The following CPQ variants were observed in gnomAD, a reference collection of about 807,000 sequenced individuals.
CPQ encodes carboxypeptidase Q, also known as Ser-Met dipeptidase.
Under a neutral mutation model 45.7 loss-of-function variants are expected in CPQ, and 37 were observed. That is an observed-to-expected ratio of 0.81 (90% confidence interval 0.62 to 1.07). CPQ has a LOEUF of 1.07. Ranked by LOEUF, CPQ falls within the 50% of genes least tolerant of loss-of-function variation. The pLI is 0.00. For missense variants in CPQ, 537 were observed against 572.9 expected, an observed-to-expected ratio of 0.94 and a Z score of 0.64; for synonymous variants, 186 against 205.8, an observed-to-expected ratio of 0.90 and a Z score of 0.82.
chr8:96,910,809 A>G (rs1284136797), intron 4 of CPQ, among the ~76,000 whole-genome samples: 1 of 152,090 alleles, frequency 6.6e-6, no homozygotes, highest in African/African-American at 2.4e-5. Context: ...CGGCTGAAGT[A>G]GTGTTATAAT....
At chr8:96,884,441 C>G (rs1460022231) in intron 4 of CPQ, among the ~76,000 whole-genome samples, 1 of 151,960 alleles carries the variant, frequency 6.6e-6, no homozygotes, top group African/African-American at 2.4e-5. Context: ...GCTTTCAGGT[C>G]CCTCTCTCCT....
intron 1 of CPQ, among the ~76,000 whole-genome samples, chr8:96,653,397 CA>C (rs1176774055): frequency 6.6e-6 from 1 of 152,006 alleles, no homozygotes; most frequent in Non-Finnish European, 1.5e-5. Context: ...GCTCTTTGTC[CA>C]TTTTTTAATC....
intron 7 of CPQ, 67 bp downstream of exon 7, chr8:97,066,277 T>TA: frequency 1.4e-6 from 2 of 1,448,372 alleles, no homozygotes; most frequent in Non-Finnish European, 1.9e-6. Context: ...ATTTCTGTTT[T>TA]AATAGAGCAC....
At chr8:96,693,562 T>G (rs1276746788) in intron 1 of CPQ, among the ~76,000 whole-genome samples, 1 of 152,050 alleles carries the variant, frequency 6.6e-6, no homozygotes, top group Non-Finnish European at 1.5e-5. Context: ...CATGACATAT[T>G]AAAAGTGCCA....
chr8:96,991,555 TAATAATAATAA>T (rs1437990652), intron 5 of CPQ, among the ~76,000 whole-genome samples: 1 of 4,532 alleles, frequency 2.2e-4, no homozygotes, highest in Non-Finnish European at 4.2e-4. Context: ...GAGTCTGTCA[TAATAATAATAA>T]TAATAATAAT....
At chr8:96,900,415 C>T (rs1812499359) in intron 4 of CPQ, among the ~76,000 whole-genome samples, 1 of 152,120 alleles carries the variant, frequency 6.6e-6, no homozygotes, top group South Asian at 2.1e-4. Context: ...CTGTGTTAGA[C>T]ATGGGTAAAC....
At chr8:96,843,145 G>A (rs1811637955) in intron 3 of CPQ, among the ~76,000 whole-genome samples, 1 of 152,120 alleles carries the variant, frequency 6.6e-6, no homozygotes, top group South Asian at 2.1e-4. Flanking sequence ...GACCTCAGGT[G>A]ATCTGCCCGC....
At chr8:96,965,335 T>G (rs1459138941) in intron 4 of CPQ, among the ~76,000 whole-genome samples, 2 of 151,732 alleles carry the variant, frequency 1.3e-5, no homozygotes, top group Admixed American at 6.6e-5. Flanking sequence ...TATAATAAAT[T>G]TATCAAATAT....
At chr8:96,809,445 G>A (rs1811130537) in intron 2 of CPQ, among the ~76,000 whole-genome samples, 1 of 152,124 alleles carries the variant, frequency 6.6e-6, no homozygotes, top group Non-Finnish European at 1.5e-5. Context: ...CAGTAATGTA[G>A]ACAAGTCTCA....
intron 1 of CPQ, among the ~76,000 whole-genome samples, chr8:96,646,891 A>G (rs1392561281): frequency 6.6e-6 from 1 of 152,192 alleles, no homozygotes; most frequent in Non-Finnish European, 1.5e-5. Context: ...GCAACAAGAA[A>G]GCCTGGGAGC....
intron 4 of CPQ, among the ~76,000 whole-genome samples, chr8:96,895,545 A>C (rs527441335): frequency 1.3e-5 from 2 of 152,288 alleles, no homozygotes; most frequent in Admixed American, 1.3e-4. Context: ...TAGTTAAATA[A>C]ATATGTAGCT....
In CPQ at chr8:96,898,023, C is replaced by T. The variant is rs140606105; in HGVS notation, c.849+18018C>T. Among the ~76,000 whole-genome samples, 22 of 149,494 alleles carry T rather than the reference C, an allele frequency of 1.5e-4. No individual in the cohort carries two copies. In the South Asian group the frequency reaches 1.5e-3, roughly 11 times the overall value. ...AGAGTAGGGGAAAAACATAGGGAAC[C>T]GTTAATTAAGGTATCAGGGCTTGAG... On this transcript the variant is annotated intron_variant, in intron 4 of 7. Transcript: ENST00000220763.
At chr8:97,057,691 G>A (rs932885334) in intron 6 of CPQ, among the ~76,000 whole-genome samples, 10 of 152,162 alleles carry the variant, frequency 6.6e-5, no homozygotes, top group African/African-American at 1.9e-4. Flanking sequence ...ATCCACACAC[G>A]TGATTCCTGT....
intron 2 of CPQ, among the ~76,000 whole-genome samples, chr8:96,827,140 A>C (rs1239699327): frequency 6.6e-6 from 1 of 152,062 alleles, no homozygotes; most frequent in African/African-American, 2.4e-5. Flanking sequence ...AGTGTCTTTG[A>C]CTGAGATATC....
chr8:96,744,845 T>C (rs952728346), intron 1 of CPQ, among the ~76,000 whole-genome samples: 8 of 152,240 alleles, frequency 5.3e-5, no homozygotes, highest in Non-Finnish European at 7.3e-5. Context: ...GATTCATTTC[T>C]ATCATCTTAT....
chr8:96,867,550 CT>C (rs1812011131), intron 3 of CPQ, among the ~76,000 whole-genome samples: 1 of 151,638 alleles, frequency 6.6e-6, no homozygotes, highest in African/African-American at 2.4e-5. Context: ...ATATTTACTC[CT>C]TTTGCCAACT....
intron 1 of CPQ, among the ~76,000 whole-genome samples, chr8:96,759,265 TC>T (rs1359530405): frequency 6.6e-6 from 1 of 152,172 alleles, no homozygotes; most frequent in Admixed American, 6.6e-5. Flanking sequence ...TTTTCTTGTT[TC>T]CTTCTTTCCC....
chr8:96,647,763 A>G (rs1262328130), intron 1 of CPQ, among the ~76,000 whole-genome samples: 1 of 152,248 alleles, frequency 6.6e-6, no homozygotes, highest in East Asian at 1.9e-4. Flanking sequence ...ATTGAATTCC[A>G]TTGAGATTCC....
intron 1 of CPQ, among the ~76,000 whole-genome samples, chr8:96,674,232 T>C (rs1329834251): frequency 6.6e-6 from 1 of 152,104 alleles, no homozygotes; most frequent in Non-Finnish European, 1.5e-5. Context: ...GTCTGAGAAA[T>C]AGAAAGAACT....
Sources: allele counts gnomAD v4.1 joint callset (sites outside exome capture counted in the v4.1 genomes callset), GRCh38; gene constraint gnomAD v4.1.1; transcripts MANE v1.5; gene names NCBI Gene and HGNC (gene_info 2026-07-23, HGNC 2026-07-21).